Variants in FAM174B observed in about 807,000 individuals in gnomAD.
FAM174B encodes the protein family with sequence similarity 174 member B, also known as membrane protein FAM174B.
FAM174B carries 12 observed loss-of-function variants against 10.9 expected under a neutral mutation model. The observed-to-expected ratio is 1.10, with a 90% CI of 0.71 to 1.79. The LOEUF is 1.79. Ranked by LOEUF, FAM174B falls within the 40% of genes most tolerant of loss-of-function variation. FAM174B has a pLI of 0.00. For synonymous variants in FAM174B, 132 were observed against 115.8 expected (o/e 1.14, Z -0.90); for missense variants, 266 against 233.3 (o/e 1.14, Z -0.91).
chr15:92,655,224 G>T, intron 1 of FAM174B, 92 bp downstream of exon 1: 1 of 1,437,010 alleles, frequency 7.0e-7, no homozygotes, highest in Non-Finnish European at 9.1e-7. Flanking sequence ...CAGGGCACCT[G>T]TGCGTGCAGG....
intron 1 of FAM174B, among the ~76,000 whole-genome samples, chr15:92,633,634 G>C (rs960038008): frequency 2.6e-5 from 4 of 152,154 alleles, no homozygotes; most frequent in African/African-American, 9.7e-5. Context: ...AAAGCATGGT[G>C]CAAATGCCAA....
intron 2 of FAM174B, among the ~76,000 whole-genome samples, chr15:92,623,191 C>T (rs554219640): frequency 6.6e-6 from 1 of 152,060 alleles, no homozygotes; most frequent in African/African-American, 2.4e-5. Flanking sequence ...CATGCTCCTG[C>T]TGTCTCCCAC....
rs145371031 is a variant in FAM174B, at chr15:92,650,660, T to A, written c.344+4656A>T. Among the ~76,000 whole-genome samples the A allele has an allele frequency of 9.5e-4, 145 of 152,314 alleles. 1 individual carries two copies. Among genetic ancestry groups the A allele is most frequent in the African/African-American group, 3.3e-3 (138 of 41,568 alleles). On this transcript the variant is annotated intron_variant, in intron 1 of 2. Coordinates refer to ENST00000327355, the MANE Select transcript of FAM174B (RefSeq NM_207446.3). ...CAGACAATAAAGTGTTCTGAGTGAATGTAGGGGGCAAAAGGTACTGATACC... is the reference window on the plus strand; with the variant it reads ...CAGACAATAAAGTGTTCTGAGTGAAAGTAGGGGGCAAAAGGTACTGATACC...
intron 1 of FAM174B, among the ~76,000 whole-genome samples, chr15:92,640,908 G>A (rs1448447779): frequency 6.6e-6 from 1 of 152,050 alleles, no homozygotes; most frequent in Non-Finnish European, 1.5e-5. Context: ...GCCTCCCAAA[G>A]TGCTGGGATT....
At chr15:92,642,475 T>G (rs1217390527) in intron 1 of FAM174B, among the ~76,000 whole-genome samples, 5 of 152,214 alleles carry the variant, frequency 3.3e-5, no homozygotes, top group African/African-American at 9.7e-5. Context: ...GTTCCCATAA[T>G]CCCCATGTGT....
rs2050801478 is a variant in FAM174B at position 92,631,230 on chromosome 15, ATATAT to A, written c.345-890_345-886del. On this transcript the variant is annotated intron_variant, in intron 1 of 2. Transcript: ENST00000327355. The stretch of plus-strand genomic sequence containing the variant: ...TATATTATATATTATATTATATATA[ATATAT>A]TATATATTATATTATATATAATATA... Among the ~76,000 whole-genome samples the A allele has an allele frequency of 1.5e-3, 2 of 1,318 alleles. 1 individual carries two copies. The highest frequency in any genetic ancestry group is 6.8e-3 in the Non-Finnish European group (2 of 294). 0.9% of individuals were successfully genotyped at this position (1,318 alleles called of 152,430 possible). A position where few individuals can be genotyped will look rare whatever the true frequency, so the allele number is the denominator to read the frequency against.
chr15:92,646,644 A>T (rs2050929878), intron 1 of FAM174B, among the ~76,000 whole-genome samples: 1 of 152,230 alleles, frequency 6.6e-6, no homozygotes, highest in African/African-American at 2.4e-5. Flanking sequence ...AGACCCTCTA[A>T]GTCTGACAAG....
chr15:92,632,741 C>T (rs1199676376), intron 1 of FAM174B, among the ~76,000 whole-genome samples: 2 of 151,720 alleles, frequency 1.3e-5, no homozygotes, highest in African/African-American at 2.4e-5. Flanking sequence ...AGGCTGGTCT[C>T]GAACTCCTGA....
intron 1 of FAM174B, 57 bp downstream of exon 1, chr15:92,655,259 G>A: frequency 2.7e-6 from 4 of 1,468,520 alleles, no homozygotes; most frequent in South Asian, 1.4e-5. Flanking sequence ...GGCGACAGCA[G>A]GTTGGCGATG....
chr15:92,629,783 C>A (rs552493359), intron 2 of FAM174B, among the ~76,000 whole-genome samples: 1 of 152,088 alleles, frequency 6.6e-6, no homozygotes, highest in Non-Finnish European at 1.5e-5. Context: ...GGGAGGGACT[C>A]GGTAGGTAAC....
chr15:92,638,607 C>A (rs1247996689), intron 1 of FAM174B, among the ~76,000 whole-genome samples: 1 of 152,222 alleles, frequency 6.6e-6, no homozygotes, highest in Non-Finnish European at 1.5e-5. Flanking sequence ...GTCAGCCCTG[C>A]AATTCCCCTG....
chr15:92,633,915 G>A (rs1346263125), intron 1 of FAM174B, among the ~76,000 whole-genome samples: 1 of 151,978 alleles, frequency 6.6e-6, no homozygotes, highest in Non-Finnish European at 1.5e-5. Flanking sequence ...CCCAGAAGTG[G>A]ATCCAAATGC....
chr15:92,655,693 G>C lies in FAM174B; in HGVS notation c.-34C>G. On this transcript the variant is annotated 5_prime_UTR_variant, in exon 1 of 3. Coordinates refer to ENST00000327355, the MANE Select transcript of FAM174B (RefSeq NM_207446.3). ...GGGTCGGCACAGGATCGGGCAGGGC[G>C]CGCGCGGCTGAGCTCCAGGATCCGC... The C allele has an allele frequency of 1.6e-6, 2 of 1,235,758 alleles. No homozygotes were observed. Among genetic ancestry groups the C allele is most frequent in the Non-Finnish European group, 2.0e-6 (2 of 990,018 alleles). The allele number at this position is 1,235,758 out of a possible 1,614,324, so 76.5% of individuals were successfully genotyped here. A position where few individuals can be genotyped will look rare whatever the true frequency, so the allele number is the denominator to read the frequency against.
chr15:92,643,942 T>G (rs1032116086), intron 1 of FAM174B, among the ~76,000 whole-genome samples: 5 of 152,072 alleles, frequency 3.3e-5, no homozygotes, highest in Non-Finnish European at 7.4e-5. Flanking sequence ...AGCACACAGG[T>G]GCCGCCAGTG....
intron 1 of FAM174B, among the ~76,000 whole-genome samples, chr15:92,636,777 C>A (rs1439078428): frequency 6.6e-6 from 1 of 152,172 alleles, no homozygotes. Context: ...GTATGCCCTG[C>A]TCTGTCACCC....
At chr15:92,630,127 A>T in intron 2 of FAM174B, 87 bp downstream of exon 2, 3 of 1,412,052 alleles carry the variant, frequency 2.1e-6, no homozygotes, top group Non-Finnish European at 2.0e-6. Context: ...CTAAAAAACA[A>T]GAACACATGG....
chr15:92,620,570 T>C (rs1255634914), intron 2 of FAM174B, among the ~76,000 whole-genome samples: 1 of 152,054 alleles, frequency 6.6e-6, no homozygotes, highest in Non-Finnish European at 1.5e-5. Flanking sequence ...ATCCTAGACC[T>C]GTGGGAGGCC....
chr15:92,647,827 GGATCTAGGAGA>G (rs1204904778), intron 1 of FAM174B, among the ~76,000 whole-genome samples: 1 of 152,098 alleles, frequency 6.6e-6, no homozygotes, highest in Non-Finnish European at 1.5e-5. Context: ...GGCCTTTGGT[GGATCTAGGAGA>G]GATTAACTAA....
rs112501495 is a variant in FAM174B, at chr15:92,650,217, C to T, written c.344+5099G>A. Reference sequence around the variant, plus strand: ...CACACAATAGAGAATTTAGGAAATACAAGATAAGTAGGAAAGTTCTCGTTC... The same window carrying T: ...CACACAATAGAGAATTTAGGAAATATAAGATAAGTAGGAAAGTTCTCGTTC... On this transcript the variant is annotated intron_variant, in intron 1 of 2. Transcript: ENST00000327355. 4.8e-3 allele frequency among the ~76,000 whole-genome samples: 729 copies of T among 152,126 alleles called. 10 individuals are homozygous for T. Among genetic ancestry groups the T allele is most frequent in the African/African-American group, 0.017 (685 of 41,498 alleles).
Sources: allele counts gnomAD v4.1 joint callset (sites outside exome capture counted in the v4.1 genomes callset), GRCh38; gene constraint gnomAD v4.1.1; transcripts MANE v1.5; gene names NCBI Gene and HGNC (gene_info 2026-07-23, HGNC 2026-07-21).